Variants in AGO3 observed in about 807,000 individuals in gnomAD.
The protein encoded by AGO3 is protein argonaute-3.
AGO3 carries 16 observed loss-of-function variants against 105.5 expected under a neutral mutation model. The ratio of observed to expected loss-of-function variants is 0.15; its 90% CI spans 0.10 to 0.23. AGO3 has a LOEUF of 0.23. Among genes scored for constraint, AGO3 ranks in the 10% least tolerant of loss-of-function variants. The pLI is 1.00. For synonymous variants in AGO3, 340 were observed against 367.3 expected (o/e 0.93, Z 0.85); for missense variants, 534 against 1,088.0 (o/e 0.49, Z 7.16).
chr1:36,015,444 T>C (rs1640856109), intron 11 of AGO3, among the ~76,000 whole-genome samples: 1 of 152,204 alleles, frequency 6.6e-6, no homozygotes, highest in Non-Finnish European at 1.5e-5. Flanking sequence ...TAGCCATTAG[T>C]TATCAACTTA....
At position 36,065,015 on chromosome 1, in the gene AGO3, A is replaced by C. The variant is rs1643073946; in HGVS notation, c.*9270A>C. 6.6e-6 allele frequency: 1 copy of C among 151,964 alleles called. No individual in the cohort carries two copies. The highest frequency in any genetic ancestry group is 2.4e-5 in the African/African-American group (1 of 41,364). 9.4% of individuals were successfully genotyped at this position (151,964 alleles called of 1,614,324 possible). A position where few individuals can be genotyped will look rare whatever the true frequency, so the allele number is the denominator to read the frequency against. ...AACCCTGTCTCTACTAAAATTACAA[A>C]AATTAGCTGGGCTTGGCGGTACGTG... On this transcript the variant is annotated 3_prime_UTR_variant, in exon 19 of 19. Coordinates refer to ENST00000373191, the MANE Select transcript of AGO3 (RefSeq NM_024852.4).
At chr1:36,053,237 A>G (rs1210480764) in intron 17 of AGO3, among the ~76,000 whole-genome samples, 2 of 151,852 alleles carry the variant, frequency 1.3e-5, no homozygotes, top group African/African-American at 4.8e-5. Context: ...ACCTTAGGGA[A>G]CAGTTTTCCT....
At chr1:36,051,772 A>T (rs781345806) in intron 17 of AGO3, among the ~76,000 whole-genome samples, 5 of 152,178 alleles carry the variant, frequency 3.3e-5, no homozygotes, top group Non-Finnish European at 5.9e-5. Context: ...TAATAATTTG[A>T]TTTTAAAATA....
chr1:36,030,504 C>CAAA (rs547766292), intron 12 of AGO3, among the ~76,000 whole-genome samples: 1 of 70,444 alleles, frequency 1.4e-5, no homozygotes, highest in East Asian at 4.0e-4. Context: ...GACCCTTTCT[C>CAAA]AAAAAAAAAA....
intron 2 of AGO3, among the ~76,000 whole-genome samples, chr1:35,955,805 G>C (rs1169093588): frequency 6.6e-6 from 1 of 152,096 alleles, no homozygotes; most frequent in Non-Finnish European, 1.5e-5. Context: ...ATGTTGCCCA[G>C]GCTGGCCTTG....
chr1:35,942,799 A>G (rs1169904046), intron 1 of AGO3, among the ~76,000 whole-genome samples: 1 of 152,210 alleles, frequency 6.6e-6, no homozygotes, highest in African/African-American at 2.4e-5. Context: ...TGTTCGGTAC[A>G]TTCACAGTGT....
chr1:35,936,610 C>T (rs1263767121), intron 1 of AGO3, among the ~76,000 whole-genome samples: 1 of 152,218 alleles, frequency 6.6e-6, no homozygotes, highest in Non-Finnish European at 1.5e-5. Context: ...GCATGAGCCA[C>T]TGCACCTGCC....
chr1:35,933,923 T>C (rs1445517332), intron 1 of AGO3, among the ~76,000 whole-genome samples: 1 of 152,186 alleles, frequency 6.6e-6, no homozygotes, highest in African/African-American at 2.4e-5. Flanking sequence ...ATTTGTTCTT[T>C]CATATGAAAT....
intron 17 of AGO3, among the ~76,000 whole-genome samples, chr1:36,052,974 A>G (rs1246428029): frequency 6.6e-6 from 1 of 152,136 alleles, no homozygotes; most frequent in Non-Finnish European, 1.5e-5. Context: ...AAATAAATAA[A>G]TAAATAAATC....
intron 12 of AGO3, among the ~76,000 whole-genome samples, chr1:36,031,969 G>A (rs1427652446): frequency 6.6e-6 from 1 of 151,940 alleles, no homozygotes; most frequent in Non-Finnish European, 1.5e-5. Flanking sequence ...GGACACTTGG[G>A]TTGCTTCTAC....
In AGO3 at chr1:36,058,859, A is replaced by G. The variant is rs1215006145; in HGVS notation, c.*3114A>G. ...TTTTTTTACACTGAAATTTTACTGAATATAGTCAGGATCATGGGCAAGAGA... is the reference window on the plus strand; with the variant it reads ...TTTTTTTACACTGAAATTTTACTGAGTATAGTCAGGATCATGGGCAAGAGA... On this transcript the variant is annotated 3_prime_UTR_variant, in exon 19 of 19. Coordinates refer to ENST00000373191, the MANE Select transcript of AGO3 (RefSeq NM_024852.4). 2 of 152,272 alleles carry G rather than the reference A, an allele frequency of 1.3e-5. No homozygotes were observed. Among genetic ancestry groups the G allele is most frequent in the East Asian group, 3.9e-4 (2 of 5,178 alleles). 9.4% of individuals were successfully genotyped at this position (152,272 alleles called of 1,614,324 possible). A position where few individuals can be genotyped will look rare whatever the true frequency, so the allele number is the denominator to read the frequency against.
chr1:36,019,054 G>A (rs571153688), intron 11 of AGO3, among the ~76,000 whole-genome samples: 4 of 152,140 alleles, frequency 2.6e-5, no homozygotes, highest in Non-Finnish European at 4.4e-5. Flanking sequence ...CTGAAGTTTC[G>A]CTGCAGTGTG....
intron 6 of AGO3, among the ~76,000 whole-genome samples, chr1:36,007,325 C>CTG (rs1406196349): frequency 3.3e-5 from 5 of 152,210 alleles, no homozygotes; most frequent in Non-Finnish European, 4.4e-5. Flanking sequence ...AGTTGCTTAT[C>CTG]TGTGACCTCT....
intron 5 of AGO3, chr1:35,992,262 T>C (rs1401967894): frequency 6.6e-6 from 1 of 152,288 alleles, no homozygotes; most frequent in Non-Finnish European, 1.5e-5. Context: ...GCATCCTTCT[T>C]CCAGGGAGCC....
chr1:35,933,920 C>T (rs1646101661), intron 1 of AGO3, among the ~76,000 whole-genome samples: 1 of 151,784 alleles, frequency 6.6e-6, no homozygotes, highest in African/African-American at 2.4e-5. Context: ...AGTATTTGTT[C>T]TTTCATATGA....
chr1:35,931,289 AG>A lies in AGO3; in HGVS notation c.-134del, dbSNP rs917611990. 2.8e-5 allele frequency: 19 copies of A among 679,374 alleles called. No homozygotes were observed. The highest frequency in any genetic ancestry group is 4.0e-5 in the Non-Finnish European group (18 of 448,484). The allele number at this position is 679,374 out of a possible 1,614,324, so 42.1% of individuals were successfully genotyped here. On this transcript the variant is annotated 5_prime_UTR_variant, in exon 1 of 19. Transcript: ENST00000373191. ...CAGAGCTTTCGGAGTGCGGTTGCTC[AG>A]GGGAAGCCGTCGCCGCCCCCGCCTC...
chr1:36,033,619 T>TGGG (rs1641880300), intron 12 of AGO3, among the ~76,000 whole-genome samples: 1 of 146,258 alleles, frequency 6.8e-6, no homozygotes, highest in African/African-American at 2.6e-5. Context: ...CACTCCAGCC[T>TGGG]GGGTGACAGA....
intron 2 of AGO3, among the ~76,000 whole-genome samples, chr1:35,956,483 A>T (rs1421271620): frequency 6.6e-6 from 1 of 152,180 alleles, no homozygotes; most frequent in African/African-American, 2.4e-5. Context: ...CTGGGGAAGT[A>T]TGTAAAAATA....
intron 2 of AGO3, among the ~76,000 whole-genome samples, chr1:35,958,197 A>G (rs934223876): frequency 3.3e-5 from 5 of 152,134 alleles, no homozygotes; most frequent in African/African-American, 1.2e-4. Context: ...CCTGGCCAAC[A>G]TGGTGAAATC....
Sources: allele counts gnomAD v4.1 joint callset (sites outside exome capture counted in the v4.1 genomes callset), GRCh38; gene constraint gnomAD v4.1.1; transcripts MANE v1.5; gene names NCBI Gene and HGNC (gene_info 2026-07-23, HGNC 2026-07-21).